Variants in PIM3 observed in about 807,000 individuals in gnomAD.
PIM3 encodes serine/threonine-protein kinase pim-3.
In PIM3, 13 loss-of-function variants were observed where a neutral mutation model predicts 27.5. The ratio of observed to expected loss-of-function variants is 0.47; its 90% CI spans 0.31 to 0.75. The LOEUF (loss-of-function observed/expected upper bound fraction) is 0.75. PIM3 is among the 30% of genes least tolerant of loss of function. The pLI, the probability that PIM3 is intolerant of heterozygous loss-of-function variation, is 0.05. For synonymous variants in PIM3, 341 were observed against 221.1 expected (o/e 1.54, Z -4.81); for missense variants, 482 against 476.9 (o/e 1.01, Z -0.10).
In PIM3 at chr22:49,961,247, G is replaced by A. The variant is rs1383625580; in HGVS notation, c.195+13G>A. ...CGACGGGCTCCCGGTGAGTCGGACCGCCGGGCGGGCCCGGGTTTCTCGCGC... is the reference window on the plus strand; with the variant it reads ...CGACGGGCTCCCGGTGAGTCGGACCACCGGGCGGGCCCGGGTTTCTCGCGC... On this transcript the variant is annotated intron_variant, in intron 2 of 5. Transcript: ENST00000360612. The A allele has an allele frequency of 2.0e-6, 3 of 1,533,292 alleles. No individual in the cohort carries two copies. Among genetic ancestry groups the A allele is most frequent in the South Asian group, 1.2e-5 (1 of 82,598 alleles). 95.0% of individuals were successfully genotyped at this position (1,533,292 alleles called of 1,614,324 possible).
At chr22:49,962,575 A>T in intron 4 of PIM3, 114 bp from the exon 5 acceptor site, 1 of 1,172,806 alleles carries the variant, frequency 8.5e-7, no homozygotes, top group Non-Finnish European at 1.2e-6. Context: ...CAGGATTTTG[A>T]GGCCTGGCTC....
At chr22:49,961,853 C>G in intron 4 of PIM3, 42 bp downstream of exon 4, 1 of 1,603,246 alleles carries the variant, frequency 6.2e-7, no homozygotes, top group Non-Finnish European at 8.5e-7. Context: ...GGGGGCCTTG[C>G]CGGCGGGTTA....
Position 49,962,992 on chromosome 22 carries a change from GTC to G in PIM3, c.847_848del (p.Ser283AlafsTer14). 2.5e-6 allele frequency: 4 copies of G among 1,611,214 alleles called. No individual in the cohort carries two copies. The highest frequency in any genetic ancestry group is 3.4e-6 in the Non-Finnish European group (4 of 1,179,796). ...CLSLRPSERP[S>X]LDQIAAHPWM... ...TGTCCCTGCGGCCCTCAGAGCGGCC[GTC>G]GCTGGATCAGATTGCGGCCCATCCC... is the stretch of plus-strand genomic sequence containing the variant. On this transcript the variant is annotated frameshift_variant, in exon 6 of 6. Coordinates refer to ENST00000360612, the MANE Select transcript of PIM3 (RefSeq NM_001001852.4). LOFTEE classifies it low-confidence loss of function (END_TRUNC).
In PIM3 at chr22:49,963,292, G is replaced by T; in HGVS notation, c.*165G>T. On this transcript the variant is annotated 3_prime_UTR_variant, in exon 6 of 6. Transcript: ENST00000360612. ...AGTGCCTTTTGAACGCTGGTCCCGC[G>T]GGACTTGGTTTTCTCAAGCTCTGTC... 1.3e-6 allele frequency: 1 copy of T among 763,650 alleles called. No homozygotes were observed. Among genetic ancestry groups the T allele is most frequent in the Non-Finnish European group, 2.0e-6 (1 of 499,082 alleles). 47.3% of individuals were successfully genotyped at this position (763,650 alleles called of 1,614,324 possible). A position where few individuals can be genotyped will look rare whatever the true frequency, so the allele number is the denominator to read the frequency against.
chr22:49,961,756 C>T lies in PIM3; in HGVS notation c.561C>T (p.Leu187=), dbSNP rs780473025. ...ACCTGCGCTCCGGAGAGCTCAAGCT[C>T]ATCGACTTCGGTTCGGGTGCGCTGC... ...LVDLRSGELK[L]IDFGSGALLK... Residue 187 remains leucine, a synonymous_variant, in exon 4 of 6, where the codon CTC becomes CTT. Coordinates refer to ENST00000360612, the MANE Select transcript of PIM3 (RefSeq NM_001001852.4). The T allele has an allele frequency of 9.3e-6, 15 of 1,611,772 alleles. No homozygotes were observed. The highest frequency in any genetic ancestry group is 2.2e-5 in the East Asian group (1 of 44,752).
At chr22:49,961,913 CGCGCCCTGGGTCT>C in intron 4 of PIM3, 102 bp downstream of exon 4, 12 of 1,505,324 alleles carry the variant, frequency 8.0e-6, no homozygotes, top group Non-Finnish European at 1.1e-5. Context: ...TGGGCGGCCG[CGCGCCCTGGGTCT>C]GCTCTCGTGG....
At chr22:49,961,848 C>A in intron 4 of PIM3, 37 bp downstream of exon 4, 1 of 1,605,476 alleles carries the variant, frequency 6.2e-7, no homozygotes, top group East Asian at 2.2e-5. Context: ...GTTCCGGGGG[C>A]CTTGCCGGCG....
chr22:49,962,716 G>A lies in PIM3; in HGVS notation c.644G>A (p.Trp215Ter). Reference protein sequence around the residue: ...DGTRVYSPPEWIRYHRYHGRS... With the variant: ...DGTRVYSPPE ...ACCCGAGTGTACAGCCCCCCGGAGT[G>A]GATCCGCTACCACCGCTACCACGGG... Residue 215 changes from tryptophan (W) to a stop codon, truncating the protein, a stop_gained, in exon 5 of 6, where the codon TGG becomes TAG. Coordinates refer to ENST00000360612, the MANE Select transcript of PIM3 (RefSeq NM_001001852.4). LOFTEE classifies it high-confidence loss of function. 1 of 1,612,318 alleles carries A rather than the reference G, an allele frequency of 6.2e-7. No individual in the cohort carries two copies. The highest frequency in any genetic ancestry group is 8.5e-7 in the Non-Finnish European group (1 of 1,179,768).
chr22:49,962,473 C>G (rs1261098579), intron 4 of PIM3, among the ~76,000 whole-genome samples: 1 of 151,782 alleles, frequency 6.6e-6, no homozygotes, highest in Non-Finnish European at 1.5e-5. Flanking sequence ...CTCATGTGAC[C>G]TGCTCCTCCC....
Position 49,962,706 on chromosome 22 carries a change from C to A in PIM3, c.634C>A (p.Pro212Thr). ...CCCCTTAGGCACCCGAGTGTACAGC[C>A]CCCCGGAGTGGATCCGCTACCACCG... ...TDFDGTRVYS[P>T]PEWIRYHRYH... The change falls in exon 5 of 6, where the codon CCC becomes ACC. Residue 212 changes from proline to threonine, a missense_variant. Transcript: ENST00000360612. The A allele has an allele frequency of 6.2e-7, 1 of 1,611,624 alleles. No individual in the cohort carries two copies. The highest frequency in any genetic ancestry group is 8.5e-7 in the Non-Finnish European group (1 of 1,179,454).
Position 49,960,954 on chromosome 22 carries a change from C to G in PIM3, c.7C>G (p.Leu3Val). 1.5e-6 allele frequency: 2 copies of G among 1,361,484 alleles called. No individual in the cohort carries two copies. The highest frequency in any genetic ancestry group is 1.9e-6 in the Non-Finnish European group (2 of 1,047,624). The allele number at this position is 1,361,484 out of a possible 1,614,324, so 84.3% of individuals were successfully genotyped here. A position where few individuals can be genotyped will look rare whatever the true frequency, so the allele number is the denominator to read the frequency against. The change falls in exon 1 of 6, where the codon CTC (leucine) becomes GTC (valine). Residue 3 changes from leucine to valine, a missense_variant. Leu to Val is a conservative substitution (Grantham distance 32, BLOSUM62 1). Coordinates refer to ENST00000360612, the MANE Select transcript of PIM3 (RefSeq NM_001001852.4). ML[L>V]SKFGSLAHLC... ...GGGGAGGCCGTCGCCCGCGATGCTGCTCTCCAAGTTCGGCTCCCTGGCGCA... is the reference window on the plus strand; with the variant it reads ...GGGGAGGCCGTCGCCCGCGATGCTGGTCTCCAAGTTCGGCTCCCTGGCGCA...
intron 4 of PIM3, 125 bp from the exon 5 acceptor site, chr22:49,962,564 G>A: frequency 2.7e-6 from 3 of 1,124,270 alleles, no homozygotes; most frequent in Non-Finnish European, 3.7e-6. Context: ...GTGATGACGA[G>A]CAGGATTTTG....
intron 4 of PIM3, among the ~76,000 whole-genome samples, chr22:49,962,308 C>G (rs964057933): frequency 6.6e-6 from 1 of 151,260 alleles, no homozygotes; most frequent in Non-Finnish European, 1.5e-5. Flanking sequence ...CTTGGGGAAG[C>G]CGGGGCTCCC....
Position 49,963,439 on chromosome 22 carries a change from T to G in PIM3, c.*312T>G. The stretch of plus-strand genomic sequence containing the variant: ...CATCTGCCTGCCCACCCGGAGCTCT[T>G]TCCGCCGGCGCAGGGTCCCAAGCCC... On this transcript the variant is annotated 3_prime_UTR_variant, in exon 6 of 6. Transcript: ENST00000360612. 1 of 287,246 alleles carries G rather than the reference T, an allele frequency of 3.5e-6. No homozygotes were observed. The allele number at this position is 287,246 out of a possible 1,614,324, so 17.8% of individuals were successfully genotyped here.
chr22:49,961,495 G>A lies in PIM3; in HGVS notation c.300G>A (p.Ala100=). 1.3e-6 allele frequency: 2 copies of A among 1,496,560 alleles called. No homozygotes were observed. The highest frequency in any genetic ancestry group is 1.5e-5 in the African/African-American group (1 of 67,972). 92.7% of individuals were successfully genotyped at this position (1,496,560 alleles called of 1,614,324 possible). A position where few individuals can be genotyped will look rare whatever the true frequency, so the allele number is the denominator to read the frequency against. ...TGCTGCTGCGCAAGGTGGGCGCGGC[G>A]GGCGGCGCGCGCGGCGTCATCCGCC... ...EVVLLRKVGA[A]GGARGVIRLL... is the part of the protein sequence containing the mutation. The change falls in exon 4 of 6, where the codon GCG becomes GCA. Residue 100 remains alanine, a synonymous_variant. Coordinates refer to ENST00000360612, the MANE Select transcript of PIM3 (RefSeq NM_001001852.4).
intron 4 of PIM3, among the ~76,000 whole-genome samples, chr22:49,962,140 C>T (rs1601870700): frequency 6.6e-6 from 1 of 152,040 alleles, no homozygotes; most frequent in Non-Finnish European, 1.5e-5. Context: ...GGAGGAGTCT[C>T]CGTGCGTGAC....
At position 49,961,600 on chromosome 22, in the gene PIM3, T is replaced by C. The variant is rs2060907680; in HGVS notation, c.405T>C (p.Phe135=). The C allele has an allele frequency of 2.6e-6, 4 of 1,549,264 alleles. No homozygotes were observed. The African/African-American group carries it at 5.5e-5, about 21-fold the overall frequency. Reference sequence around the variant, plus strand: ...AGCCGGCGCAGGACCTCTTCGACTTTATCACGGAGCGCGGCGCCCTGGACG... The same window carrying C: ...AGCCGGCGCAGGACCTCTTCGACTTCATCACGGAGCGCGGCGCCCTGGACG... ...RPEPAQDLFD[F]ITERGALDEP... The change falls in exon 4 of 6, where the codon TTT becomes TTC. Residue 135 remains phenylalanine, a synonymous_variant. Coordinates refer to ENST00000360612, the MANE Select transcript of PIM3 (RefSeq NM_001001852.4).
In PIM3 at chr22:49,961,679, C is replaced by T. The variant is rs1421599101; in HGVS notation, c.484C>T (p.His162Tyr). 6 of 1,595,810 alleles carry T rather than the reference C, an allele frequency of 3.8e-6. No individual in the cohort carries two copies. Among genetic ancestry groups the T allele is most frequent in the Middle Eastern group, 3.4e-4 (2 of 5,936 alleles). The change falls in exon 4 of 6, where the codon CAC becomes TAC. Residue 162 changes from histidine to tyrosine, a missense_variant. Coordinates refer to ENST00000360612, the MANE Select transcript of PIM3 (RefSeq NM_001001852.4). ...GGTGCTGGCCGCCGTGCGCCACTGC[C>T]ACAGCTGCGGGGTCGTGCACCGCGA... is the stretch of plus-strand genomic sequence containing the variant. ...AQVLAAVRHCHSCGVVHRDIK... is the reference protein window; with the variant it reads ...AQVLAAVRHCYSCGVVHRDIK...
rs1446125477 is a variant in PIM3 at position 49,961,036 on chromosome 22, C to A, written c.85+4C>A. ...CCGGTGAAGATCCTGCAGCCAGGTA[C>A]GCGCGGGGCCGGCGGGGCCGGGGCC... is the stretch of plus-strand genomic sequence containing the variant. On this transcript the variant is annotated splice_donor_region_variant and intron_variant, in intron 1 of 5. Coordinates refer to ENST00000360612, the MANE Select transcript of PIM3 (RefSeq NM_001001852.4). The A allele has an allele frequency of 1.5e-6, 2 of 1,359,540 alleles. No homozygotes were observed. The highest frequency in any genetic ancestry group is 1.9e-6 in the Non-Finnish European group (2 of 1,045,170). The allele number at this position is 1,359,540 out of a possible 1,614,324, so 84.2% of individuals were successfully genotyped here. A position where few individuals can be genotyped will look rare whatever the true frequency, so the allele number is the denominator to read the frequency against.
Sources: gnomAD v4.1 joint callset for allele counts (sites outside exome capture counted in the v4.1 genomes callset) on GRCh38, gnomAD v4.1.1 for gene constraint, MANE v1.5 for transcripts, NCBI Gene and HGNC (gene_info 2026-07-23, HGNC 2026-07-21) for gene names.